DACH2: variants seen among roughly 807,000 people sequenced by gnomAD.
DACH2 encodes dachshund family transcription factor 2.
In DACH2, 17 loss-of-function variants were observed where a neutral mutation model predicts 35.8. The observed-to-expected ratio is 0.48, with a 90% CI of 0.33 to 0.71. The LOEUF is 0.71. Ranked by LOEUF, DACH2 falls within the 30% of genes least tolerant of loss-of-function variation. The pLI, the probability that DACH2 is intolerant of heterozygous loss-of-function variation, is 0.02. For synonymous variants in DACH2, 195 were observed against 177.3 expected (o/e 1.10, Z -0.79); for missense variants, 469 against 472.7 (o/e 0.99, Z 0.07).
chrX:86,482,238 T>C (rs2037948078), intron 2 of DACH2, among the ~76,000 whole-genome samples: 1 of 112,367 alleles, frequency 8.9e-6, no homozygotes, highest in South Asian at 3.6e-4. Flanking sequence ...TATTCATAAA[T>C]TATAACATCA....
chrX:86,265,140 C>T (rs1310828498), intron 1 of DACH2, among the ~76,000 whole-genome samples: 1 of 111,323 alleles, frequency 9.0e-6, no homozygotes, highest in Non-Finnish European at 1.9e-5. Flanking sequence ...TATGGCAGTT[C>T]CTTGTACTTC....
chrX:86,625,047 C>G (rs2040118529), intron 3 of DACH2, among the ~76,000 whole-genome samples: 1 of 111,358 alleles, frequency 9.0e-6, no homozygotes, highest in African/African-American at 3.3e-5. Flanking sequence ...AGTTAGTATG[C>G]CCGTTAGCAA....
intron 1 of DACH2, chrX:86,160,460 A>G (rs2030713178): frequency 1.9e-6 from 1 of 535,948 alleles, no homozygotes; most frequent in African/African-American, 2.2e-5. Context: ...GCCATCTTCC[A>G]GCTTCTTACC....
rs764236949 is a variant in DACH2, at chrX:86,796,341, C to G, written c.1241-16515C>G. Among the ~76,000 whole-genome samples the G allele has an allele frequency of 2.5e-4, 28 of 111,377 alleles. No homozygotes were observed. In the South Asian group the frequency reaches 9.1e-3, roughly 36 times the overall value. ...CAAACCTTAAGCTAGACACAGAGCGCTCCTTGGTGTGTTTACAATCCTTTA... is the reference window on the plus strand; with the variant it reads ...CAAACCTTAAGCTAGACACAGAGCGGTCCTTGGTGTGTTTACAATCCTTTA... On this transcript the variant is annotated intron_variant, in intron 7 of 11. Transcript: ENST00000373125.
At chrX:86,346,601 A>G (rs1415654052) in intron 1 of DACH2, among the ~76,000 whole-genome samples, 1 of 111,855 alleles carries the variant, frequency 8.9e-6, no homozygotes, top group African/African-American at 3.2e-5. Flanking sequence ...CTATCTGTAT[A>G]CTACAAATCT....
chrX:86,303,394 G>T (rs1312992436), intron 1 of DACH2, among the ~76,000 whole-genome samples: 1 of 109,996 alleles, frequency 9.1e-6, no homozygotes, highest in East Asian at 2.9e-4. Flanking sequence ...GCTATAGAGG[G>T]TGAGGTTAAA....
intron 3 of DACH2, among the ~76,000 whole-genome samples, chrX:86,539,153 TC>T (rs1164602137): frequency 9.0e-6 from 1 of 110,904 alleles, no homozygotes; most frequent in Non-Finnish European, 1.9e-5. Flanking sequence ...GGGAGTGGTT[TC>T]CCCCTTGCTC....
rs185432498 is a variant in DACH2 at position 86,638,245 on chromosome X, A to G, written c.641-12791A>G. Among the ~76,000 whole-genome samples the G allele has an allele frequency of 3.7e-4, 41 of 112,021 alleles. No homozygotes were observed. In the East Asian group the frequency reaches 5.9e-3, roughly 16 times the overall value. On this transcript the variant is annotated intron_variant, in intron 3 of 11. Coordinates refer to ENST00000373125, the MANE Select transcript of DACH2 (RefSeq NM_053281.3). The stretch of plus-strand genomic sequence containing the variant: ...TGAAACTGGATCCCTGTCTCTCACC[A>G]TATGAAAAAACTAGCTCCAGATGGA...
At chrX:86,155,737 G>A (rs1483087548) in intron 1 of DACH2, among the ~76,000 whole-genome samples, 1 of 110,976 alleles carries the variant, frequency 9.0e-6, no homozygotes, top group Non-Finnish European at 1.9e-5. Flanking sequence ...TCAGTTTTTA[G>A]ATGTAGATCC....
At chrX:86,269,693 A>G (rs2033777935) in intron 1 of DACH2, among the ~76,000 whole-genome samples, 1 of 111,309 alleles carries the variant, frequency 9.0e-6, no homozygotes, top group African/African-American at 3.3e-5. Context: ...TACATTATTT[A>G]CCAAAGGCAG....
chrX:86,269,689 A>G (rs2033777874), intron 1 of DACH2, among the ~76,000 whole-genome samples: 1 of 111,358 alleles, frequency 9.0e-6, no homozygotes, highest in African/African-American at 3.3e-5. Context: ...TAGGTACATT[A>G]TTTACCAAAG....
chrX:86,343,818 T>C (rs764973929), intron 1 of DACH2, among the ~76,000 whole-genome samples: 114 of 111,468 alleles, frequency 1.0e-3, no homozygotes, highest in African/African-American at 3.3e-3. Context: ...ATTTGCCATC[T>C]ATTTCATAGA....
chrX:86,459,076 C>T (rs1214815272), intron 2 of DACH2, among the ~76,000 whole-genome samples: 1 of 111,603 alleles, frequency 9.0e-6, no homozygotes, highest in East Asian at 2.8e-4. Context: ...AAACTAAAAA[C>T]AAAAGAAGTG....
At chrX:86,514,159 T>C in intron 2 of DACH2, 120 bp from the exon 3 acceptor site, 2 of 627,278 alleles carry the variant, frequency 3.2e-6, no homozygotes, top group Non-Finnish European at 5.0e-6. Context: ...TAGTCTTTAA[T>C]GTAAAATTCT....
At chrX:86,702,820 G>A (rs781647315) in intron 5 of DACH2, among the ~76,000 whole-genome samples, 3 of 111,222 alleles carry the variant, frequency 2.7e-5, no homozygotes, top group Non-Finnish European at 5.7e-5. Context: ...GGGCTAGATG[G>A]ATTGAAAGCC....
chrX:86,784,835 A>T (rs765963897), intron 7 of DACH2, among the ~76,000 whole-genome samples: 1 of 111,661 alleles, frequency 9.0e-6, no homozygotes, highest in South Asian at 3.7e-4. Flanking sequence ...AGCAACATGG[A>T]TGGAGCTGGA....
intron 7 of DACH2, among the ~76,000 whole-genome samples, chrX:86,762,303 T>A (rs2041891481): frequency 1.8e-5 from 2 of 111,303 alleles, no homozygotes; most frequent in African/African-American, 3.3e-5. Flanking sequence ...GAAAAAAAAA[T>A]CTGAAAGACC....
chrX:86,742,629 T>C (rs1434300386), intron 7 of DACH2: 1 of 256,943 alleles, frequency 3.9e-6, no homozygotes. Flanking sequence ...CTCAGTTACA[T>C]CTCTTATTTA....
chrX:86,526,533 G>A (rs1268693013), intron 3 of DACH2, among the ~76,000 whole-genome samples: 5 of 111,274 alleles, frequency 4.5e-5, no homozygotes, highest in East Asian at 2.9e-4. Flanking sequence ...TATGTTCAAT[G>A]TAGGAAAAAT....
Sources: allele counts gnomAD v4.1 joint callset (sites outside exome capture counted in the v4.1 genomes callset), GRCh38; gene constraint gnomAD v4.1.1; transcripts MANE v1.5; gene names NCBI Gene and HGNC (gene_info 2026-07-23, HGNC 2026-07-21).